BCKDHB: variants seen among roughly 807,000 people sequenced by gnomAD.
The protein encoded by BCKDHB is branched chain keto acid dehydrogenase E1 subunit beta.
A neutral mutation model predicts 48.5 loss-of-function variants in BCKDHB; 41 were observed. That is an observed-to-expected ratio of 0.85 (90% CI 0.66 to 1.10). BCKDHB has a LOEUF of 1.10. BCKDHB is among the 50% of genes least tolerant of loss of function. The probability of loss-of-function intolerance (pLI) is 0.00; values close to 1 mark genes in which losing one functional copy is unlikely to be tolerated. For synonymous variants in BCKDHB, 201 were observed against 174.8 expected, an observed-to-expected ratio of 1.15 and a Z score of -1.18; for missense variants, 496 against 494.2, an observed-to-expected ratio of 1.00 and a Z score of -0.03.
the BCKDHB span, among the ~76,000 whole-genome samples, chr6:80,432,359 C>T: frequency 6.6e-6 from 1 of 152,176 alleles, no homozygotes; most frequent in African/African-American, 2.4e-5. Flanking sequence ...TCCCATATTT[C>T]TTGGAGGCTT....
At chr6:80,445,688 A>G in the BCKDHB span, among the ~76,000 whole-genome samples, 1 of 152,230 alleles carries the variant, frequency 6.6e-6, no homozygotes, top group East Asian at 1.9e-4. Flanking sequence ...CAGAGACTAT[A>G]GAATGAGCCT....
In BCKDHB at chr6:80,246,293, A is replaced by G. The variant is rs1344172669; in HGVS notation, c.952-26842A>G. ...ATTGAGAGAAGGAAGGTGTCCATCC[A>G]GTCTGTGGTCCCCTGGTCGTCCCTC... On this transcript the variant is annotated intron_variant, in intron 8 of 9. Transcript: ENST00000320393. 2.0e-5 allele frequency among the ~76,000 whole-genome samples: 3 copies of G among 152,314 alleles called. No homozygotes were observed. The East Asian group carries it at 5.8e-4, about 29-fold the overall frequency.
the BCKDHB span, among the ~76,000 whole-genome samples, chr6:80,414,574 G>T: frequency 2.0e-5 from 3 of 152,024 alleles, no homozygotes; most frequent in Non-Finnish European, 2.9e-5. Context: ...AGTTGTAAGG[G>T]TGCAGCCATA....
the BCKDHB span, among the ~76,000 whole-genome samples, chr6:80,408,134 CTGTT>C: frequency 9.9e-5 from 15 of 152,148 alleles, no homozygotes; most frequent in African/African-American, 3.6e-4. Flanking sequence ...GTGGTTTGTT[CTGTT>C]TGTGTGATGG....
the BCKDHB span, chr6:80,374,069 C>G: frequency 7.3e-6 from 5 of 686,778 alleles, no homozygotes; most frequent in Non-Finnish European, 1.4e-5. Flanking sequence ...ATATCTTTTT[C>G]TTCTGGGCAA....
At chr6:80,234,017 A>G (rs1165122396) in intron 8 of BCKDHB, among the ~76,000 whole-genome samples, 1 of 151,836 alleles carries the variant, frequency 6.6e-6, no homozygotes, top group Non-Finnish European at 1.5e-5. Context: ...TTAGATTCTC[A>G]TAAGGAGCGT....
chr6:80,213,673 T>G (rs1042197652), intron 8 of BCKDHB, among the ~76,000 whole-genome samples: 7 of 150,536 alleles, frequency 4.7e-5, no homozygotes, highest in Non-Finnish European at 7.4e-5. Flanking sequence ...TTTTTGTTTT[T>G]TTTTTTTTAA....
chr6:80,415,681 G>A, the BCKDHB span, among the ~76,000 whole-genome samples: 5 of 151,992 alleles, frequency 3.3e-5, no homozygotes, highest in African/African-American at 1.2e-4. Context: ...GCCAGTATTT[G>A]ATTGAGGATT....
chr6:80,231,810 C>T (rs1435451804), intron 8 of BCKDHB, among the ~76,000 whole-genome samples: 2 of 152,134 alleles, frequency 1.3e-5, no homozygotes, highest in African/African-American at 4.8e-5. Flanking sequence ...ACTAAAGATA[C>T]AAAAATTAGC....
chr6:80,339,501 G>A (rs1351980480), intron 9 of BCKDHB, among the ~76,000 whole-genome samples: 1 of 152,110 alleles, frequency 6.6e-6, no homozygotes, highest in Non-Finnish European at 1.5e-5. Context: ...TTAATGATTT[G>A]GAATTGTTAT....
chr6:80,174,141 G>T (rs143128778), intron 6 of BCKDHB, among the ~76,000 whole-genome samples: 1 of 151,984 alleles, frequency 6.6e-6, no homozygotes, highest in Admixed American at 6.6e-5. Flanking sequence ...TAAATTTCTT[G>T]TGTACATTTG....
intron 3 of BCKDHB, among the ~76,000 whole-genome samples, chr6:80,163,598 A>G (rs558533839): frequency 1.3e-5 from 2 of 152,126 alleles, no homozygotes; most frequent in Non-Finnish European, 1.5e-5. Flanking sequence ...TTTTCTCTCT[A>G]TTTAAATTTA....
downstream of BCKDHB, among the ~76,000 whole-genome samples, chr6:80,347,671 G>A (rs946881441): frequency 1.3e-5 from 2 of 152,148 alleles, no homozygotes; most frequent in African/African-American, 4.8e-5. Context: ...GAATAACTCT[G>A]AGGATGATCT....
At chr6:80,430,106 G>A in the BCKDHB span, among the ~76,000 whole-genome samples, 3 of 152,272 alleles carry the variant, frequency 2.0e-5, no homozygotes, top group East Asian at 5.8e-4. Flanking sequence ...GGCCTTTTCT[G>A]CATCTTTTGA....
the BCKDHB span, among the ~76,000 whole-genome samples, chr6:80,404,313 A>T: frequency 6.6e-6 from 1 of 151,848 alleles, no homozygotes; most frequent in African/African-American, 2.4e-5. Flanking sequence ...AGGAACTTGG[A>T]TGTTTCTAAG....
chr6:80,404,999 A>G, the BCKDHB span, among the ~76,000 whole-genome samples: 2 of 152,132 alleles, frequency 1.3e-5, no homozygotes, highest in South Asian at 2.1e-4. Flanking sequence ...GTTCTTGAGA[A>G]GAATGTGTAC....
chr6:80,462,741 T>C, the BCKDHB span: 1 of 152,220 alleles, frequency 6.6e-6, no homozygotes, highest in Non-Finnish European at 1.5e-5. Context: ...GAATCCAGAA[T>C]GTTGGACCTG....
At chr6:80,114,141 C>G (rs937776461) in intron 1 of BCKDHB, among the ~76,000 whole-genome samples, 1 of 151,850 alleles carries the variant, frequency 6.6e-6, no homozygotes, top group Non-Finnish European at 1.5e-5. Context: ...TGATTTAGTT[C>G]TAGGAAGTCA....
At chr6:80,425,949 A>T in the BCKDHB span, among the ~76,000 whole-genome samples, 1 of 152,134 alleles carries the variant, frequency 6.6e-6, no homozygotes, top group African/African-American at 2.4e-5. Flanking sequence ...TTTATGTTTC[A>T]TTTCAAATTT....
Sources: gnomAD v4.1 joint callset for allele counts (sites outside exome capture counted in the v4.1 genomes callset) on GRCh38, gnomAD v4.1.1 for gene constraint, MANE v1.5 for transcripts, NCBI Gene and HGNC (gene_info 2026-07-23, HGNC 2026-07-21) for gene names.